DNAH11: variants seen among roughly 807,000 people sequenced by gnomAD.
The protein encoded by DNAH11 is dynein axonemal heavy chain 11.
Under a neutral mutation model 526.0 loss-of-function variants are expected in DNAH11, and 442 were observed. The ratio of observed to expected loss-of-function variants is 0.84; its 90% confidence interval spans 0.78 to 0.91. The LOEUF (loss-of-function observed/expected upper bound fraction) is 0.91, where lower values mean the gene tolerates loss of function less well. DNAH11 is among the 40% of genes least tolerant of loss of function. The pLI is 0.00. For missense variants in DNAH11, 6,989 were observed against 5,448.7 expected (o/e 1.28, Z -8.90); for synonymous variants, 2,461 against 1,935.9 (o/e 1.27, Z -7.12).
rs377461092 is a variant in DNAH11, at chr7:21,552,904, T to G, written c.496-5898T>G. Among the ~76,000 whole-genome samples, 10 of 152,212 alleles carry G rather than the reference T, an allele frequency of 6.6e-5. No homozygotes were observed. In the South Asian group the frequency reaches 1.2e-3, roughly 19 times the overall value. On this transcript the variant is annotated intron_variant, in intron 2 of 81. Coordinates refer to ENST00000409508, the MANE Select transcript of DNAH11 (RefSeq NM_001277115.2). ...CCACAGGGTGGTAGGTCTGGACAAG[T>G]TGATACATACCCCTTAGATATTGCA...
chr7:21,573,008 A>G (rs1783953651), intron 8 of DNAH11, among the ~76,000 whole-genome samples: 1 of 152,156 alleles, frequency 6.6e-6, no homozygotes, highest in African/African-American at 2.4e-5. Context: ...TGAACGAGCT[A>G]GTGGAGGAGG....
At chr7:21,836,313 A>AG (rs1488156938) in intron 65 of DNAH11, among the ~76,000 whole-genome samples, 10 of 150,968 alleles carry the variant, frequency 6.6e-5, no homozygotes, top group Non-Finnish European at 2.9e-5. Flanking sequence ...AGCAAAAAAA[A>AG]CAAAGCTAGA....
intron 63 of DNAH11, among the ~76,000 whole-genome samples, chr7:21,808,257 A>G (rs1284375651): frequency 6.6e-6 from 1 of 152,102 alleles, no homozygotes; most frequent in East Asian, 1.9e-4. Context: ...AAATGTTTTT[A>G]TTGATCTATA....
At chr7:21,724,511 A>G (rs1282116038) in intron 44 of DNAH11, among the ~76,000 whole-genome samples, 1 of 152,270 alleles carries the variant, frequency 6.6e-6, no homozygotes, top group Non-Finnish European at 1.5e-5. Context: ...TGCTGAAAGC[A>G]GTAGACACAC....
Position 21,735,535 on chromosome 7 carries a change from A to C in DNAH11, c.7441-105A>C, listed in dbSNP as rs2072219. On this transcript the variant is annotated intron_variant, in intron 45 of 81. Coordinates refer to ENST00000409508, the MANE Select transcript of DNAH11 (RefSeq NM_001277115.2). ...ACTATGAATTATTTGGATTTCAATT[A>C]TAAAGTGACTGTGTTGAGTTTGATA... 0.93 allele frequency: 895,896 copies of C among 965,536 alleles called. 416,121 individuals carry two copies. The highest frequency in any genetic ancestry group is 0.95 in the African/African-American group (57,668 of 60,916). 59.8% of individuals were successfully genotyped at this position (965,536 alleles called of 1,614,324 possible). A position where few individuals can be genotyped will look rare whatever the true frequency, so the allele number is the denominator to read the frequency against.
Position 21,619,235 on chromosome 7 carries a change from G to A in DNAH11, c.4377+13G>A. ...GGGGACTGAGAAGGTAGTGTCCTCGGGACTGGGTCATTTCTACTTGGCTAA... is the reference window on the plus strand; with the variant it reads ...GGGGACTGAGAAGGTAGTGTCCTCGAGACTGGGTCATTTCTACTTGGCTAA... On this transcript the variant is annotated intron_variant, in intron 24 of 81. Transcript: ENST00000409508. 1 of 1,608,162 alleles carries A rather than the reference G, an allele frequency of 6.2e-7. No individual in the cohort carries two copies. The highest frequency in any genetic ancestry group is 8.5e-7 in the Non-Finnish European group (1 of 1,177,592).
intron 66 of DNAH11, among the ~76,000 whole-genome samples, chr7:21,850,608 C>CTTTTT (rs3062635): frequency 9.8e-3 from 610 of 62,154 alleles, no homozygotes; most frequent in East Asian, 0.016. Flanking sequence ...CTGTCTTCTT[C>CTTTTT]TTTTTTTTTT....
At chr7:21,896,083 T>G (rs1334390087) in intron 79 of DNAH11, among the ~76,000 whole-genome samples, 1 of 152,232 alleles carries the variant, frequency 6.6e-6, no homozygotes, top group Non-Finnish European at 1.5e-5. Context: ...CCTCTGAACA[T>G]CAACCTCCTT....
intron 35 of DNAH11, among the ~76,000 whole-genome samples, chr7:21,696,395 A>G (rs1783854085): frequency 6.6e-6 from 1 of 152,192 alleles, no homozygotes; most frequent in African/African-American, 2.4e-5. Context: ...TTGTGCTAAC[A>G]TCTTGTATTG....
intron 47 of DNAH11, 45 bp downstream of exon 47, chr7:21,738,911 T>A: frequency 7.1e-7 from 1 of 1,406,626 alleles, no homozygotes; most frequent in East Asian, 2.5e-5. Flanking sequence ...ATCTAATAAT[T>A]ATTATGGATA....
chr7:21,684,020 G>A (rs1361294983), intron 32 of DNAH11, 76 bp downstream of exon 32: 1 of 1,413,732 alleles, frequency 7.1e-7, no homozygotes, highest in Non-Finnish European at 9.8e-7. Context: ...GAAAAGGAAG[G>A]AATGAGAGGA....
At chr7:21,801,061 A>G in intron 61 of DNAH11, 76 bp from the exon 62 acceptor site, 1 of 1,472,706 alleles carries the variant, frequency 6.8e-7, no homozygotes, top group African/African-American at 1.4e-5. Flanking sequence ...CCTTACAGTA[A>G]CAGATGTTTT....
At chr7:21,549,220 GT>G (rs1215729805) in intron 2 of DNAH11, among the ~76,000 whole-genome samples, 1 of 152,052 alleles carries the variant, frequency 6.6e-6, no homozygotes, top group Non-Finnish European at 1.5e-5. Flanking sequence ...ATGCATCCTT[GT>G]CCCGGTATAG....
intron 34 of DNAH11, among the ~76,000 whole-genome samples, chr7:21,688,187 G>A (rs879823894): frequency 4.6e-5 from 7 of 152,034 alleles, no homozygotes; most frequent in Non-Finnish European, 7.4e-5. Context: ...CTTTCTTCAC[G>A]TGGGTTGAGG....
intron 48 of DNAH11, among the ~76,000 whole-genome samples, chr7:21,740,512 A>G (rs1026339300): frequency 6.6e-6 from 1 of 152,196 alleles, no homozygotes; most frequent in Non-Finnish European, 1.5e-5. Flanking sequence ...TTCACTTAGC[A>G]TAATGTCTAG....
intron 74 of DNAH11, 58 bp from the exon 75 acceptor site, chr7:21,880,644 C>G: frequency 3.8e-6 from 6 of 1,588,536 alleles, no homozygotes; most frequent in Non-Finnish European, 4.3e-6. Flanking sequence ...AAACGCAGAC[C>G]CTTGCTCTTG....
chr7:21,867,605 CAG>C (rs949544748), intron 71 of DNAH11, among the ~76,000 whole-genome samples: 6 of 152,092 alleles, frequency 3.9e-5, no homozygotes, highest in Non-Finnish European at 5.9e-5. Flanking sequence ...TGATGGCACT[CAG>C]GGGGGTCTCA....
chr7:21,696,382 C>T (rs1040676517), intron 35 of DNAH11, among the ~76,000 whole-genome samples: 125 of 152,196 alleles, frequency 8.2e-4, no homozygotes, highest in African/African-American at 2.9e-3. Flanking sequence ...AATAGTTAAT[C>T]AATTGTGCTA....
rs1311928088 is a variant in DNAH11, at chr7:21,766,595, G to C, written c.9102+1006G>C. ...TTCCAAAGCAATCCTTTTACATTTT[G>C]TTGTATATTGTATCATTCAGCGGCC... On this transcript the variant is annotated intron_variant, in intron 55 of 81. Transcript: ENST00000409508. Among the ~76,000 whole-genome samples the C allele has an allele frequency of 3.3e-5, 5 of 151,768 alleles. No homozygotes were observed. The South Asian group carries it at 8.3e-4, about 25-fold the overall frequency.
Sources: allele counts gnomAD v4.1 joint callset (sites outside exome capture counted in the v4.1 genomes callset), GRCh38; gene constraint gnomAD v4.1.1; transcripts MANE v1.5; gene names NCBI Gene and HGNC (gene_info 2026-07-23, HGNC 2026-07-21).